IPCEF1: variants seen among roughly 807,000 people sequenced by gnomAD.
IPCEF1 encodes interactor protein for cytohesin exchange factors 1.
Under a neutral mutation model 50.9 loss-of-function variants are expected in IPCEF1, and 31 were observed. That is an observed-to-expected ratio of 0.61 (90% CI 0.46 to 0.82). IPCEF1 has a LOEUF of 0.82. Among genes scored for constraint, IPCEF1 ranks in the 40% least tolerant of loss-of-function variants. The pLI, the probability that IPCEF1 is intolerant of heterozygous loss-of-function variation, is 0.00. For missense variants in IPCEF1, 458 were observed against 514.0 expected, an observed-to-expected ratio of 0.89 and a Z score of 1.05; for synonymous variants, 181 against 192.0, an observed-to-expected ratio of 0.94 and a Z score of 0.47.
At chr6:154,226,458 A>G (rs1779260034) in intron 5 of IPCEF1, among the ~76,000 whole-genome samples, 1 of 151,846 alleles carries the variant, frequency 6.6e-6, no homozygotes, top group Non-Finnish European at 1.5e-5. Flanking sequence ...TTGCCAAAAC[A>G]GGACATGTGA....
intron 1 of IPCEF1, among the ~76,000 whole-genome samples, chr6:154,331,483 G>A (rs1250703193): frequency 9.1e-6 from 1 of 110,496 alleles, no homozygotes; most frequent in African/African-American, 3.7e-5. Context: ...GGGGAAGGAA[G>A]AAAAGAAAGA....
chr6:154,227,621 G>A (rs866782700), intron 5 of IPCEF1, among the ~76,000 whole-genome samples: 1 of 152,116 alleles, frequency 6.6e-6, no homozygotes, highest in African/African-American at 2.4e-5. Context: ...GAGAGGCTGA[G>A]GTGGGAGAAT....
intron 2 of IPCEF1, among the ~76,000 whole-genome samples, chr6:154,276,256 A>G (rs1782056816): frequency 1.5e-5 from 2 of 137,870 alleles, no homozygotes; most frequent in Admixed American, 7.8e-5. Flanking sequence ...GGTGGGAGGG[A>G]GGGAGGAAGA....
intron 10 of IPCEF1, 119 bp downstream of exon 10, chr6:154,199,549 G>C: frequency 8.3e-7 from 1 of 1,204,098 alleles, no homozygotes; most frequent in East Asian, 2.5e-5. Flanking sequence ...AGCCCCACTT[G>C]ACTAATTATT....
At chr6:154,218,664 AG>A (rs1778610974) in intron 7 of IPCEF1, among the ~76,000 whole-genome samples, 2 of 152,238 alleles carry the variant, frequency 1.3e-5, no homozygotes, top group African/African-American at 4.8e-5. Flanking sequence ...TTGTGGGAGA[AG>A]GGAGAAGTTG....
At chr6:154,291,731 C>T (rs1782520552) in intron 1 of IPCEF1, among the ~76,000 whole-genome samples, 1 of 134,296 alleles carries the variant, frequency 7.4e-6, no homozygotes, top group African/African-American at 2.9e-5. Context: ...CTCGTCCAGG[C>T]TGGAGAGCCG....
intron 2 of IPCEF1, among the ~76,000 whole-genome samples, chr6:154,289,284 A>C (rs1173321460): frequency 3.3e-5 from 5 of 151,766 alleles, no homozygotes; most frequent in Non-Finnish European, 7.4e-5. Context: ...TTAAATATAA[A>C]TATTTAATTG....
At chr6:154,207,744 A>G (rs1777622138) in intron 9 of IPCEF1, among the ~76,000 whole-genome samples, 1 of 152,068 alleles carries the variant, frequency 6.6e-6, no homozygotes, top group African/African-American at 2.4e-5. Flanking sequence ...TCTTTTGTTT[A>G]TTTTAGCTGA....
At chr6:154,332,831 G>A (rs1783703829) in intron 1 of IPCEF1, among the ~76,000 whole-genome samples, 1 of 152,150 alleles carries the variant, frequency 6.6e-6, no homozygotes, top group Non-Finnish European at 1.5e-5. Flanking sequence ...ACATTACAAG[G>A]TCAGAGAAAG....
At chr6:154,295,177 G>A (rs192836686) in intron 1 of IPCEF1, among the ~76,000 whole-genome samples, 9 of 151,796 alleles carry the variant, frequency 5.9e-5, no homozygotes, top group East Asian at 1.9e-4. Context: ...CAGCCTGGGC[G>A]ACAGAGTGAG....
chr6:154,196,944 G>A (rs2128588306), intron 10 of IPCEF1, among the ~76,000 whole-genome samples: 1 of 152,220 alleles, frequency 6.6e-6, no homozygotes, highest in Admixed American at 6.5e-5. Context: ...CATACTAACT[G>A]CAAAAATATT....
At chr6:154,212,424 C>T (rs961170213) in intron 9 of IPCEF1, among the ~76,000 whole-genome samples, 2 of 152,152 alleles carry the variant, frequency 1.3e-5, no homozygotes, top group African/African-American at 4.8e-5. Flanking sequence ...TGCACATAGG[C>T]AAGGCATTTA....
intron 2 of IPCEF1, among the ~76,000 whole-genome samples, chr6:154,273,253 T>C (rs998992818): frequency 3.9e-5 from 6 of 152,130 alleles, no homozygotes; most frequent in East Asian, 1.9e-4. Flanking sequence ...AGGCAAACAA[T>C]GTGCGTTATT....
chr6:154,192,764 G>A (rs187227498), intron 10 of IPCEF1, among the ~76,000 whole-genome samples: 2 of 152,226 alleles, frequency 1.3e-5, no homozygotes, highest in Non-Finnish European at 2.9e-5. Flanking sequence ...ACGAAGAAAT[G>A]TTCAATTAGT....
rs549852112 is a variant in IPCEF1, at chr6:154,221,149, C to G, written c.392+108G>C. On this transcript the variant is annotated intron_variant, in intron 7 of 11. Transcript: ENST00000367220. ...CTAAATAAATTAATCCTTAAAGTAA[C>G]AGAAATAAAATAATAATTGATATGG... 3.3e-3 allele frequency: 2,588 copies of G among 775,922 alleles called. 16 individuals carry two copies. Among genetic ancestry groups the G allele is most frequent in the Non-Finnish European group, 3.3e-3 (1,623 of 484,914 alleles). The allele number at this position is 775,922 out of a possible 1,614,324, so 48.1% of individuals were successfully genotyped here. A position where few individuals can be genotyped will look rare whatever the true frequency, so the allele number is the denominator to read the frequency against.
chr6:154,250,269 C>T (rs1000750010), intron 3 of IPCEF1, among the ~76,000 whole-genome samples: 6 of 148,210 alleles, frequency 4.0e-5, no homozygotes, highest in African/African-American at 1.5e-4. Context: ...AAAAAAAAAG[C>T]AAGCAACCAG....
At chr6:154,314,698 G>A (rs931267256) in intron 1 of IPCEF1, among the ~76,000 whole-genome samples, 4 of 151,974 alleles carry the variant, frequency 2.6e-5, no homozygotes, top group Non-Finnish European at 4.4e-5. Context: ...ATGAAAAACC[G>A]AACACTCTAA....
At chr6:154,263,088 A>C (rs2128653080) in intron 3 of IPCEF1, among the ~76,000 whole-genome samples, 1 of 152,154 alleles carries the variant, frequency 6.6e-6, no homozygotes, top group East Asian at 1.9e-4. Context: ...TTATAATCTT[A>C]AAATGGAATT....
In IPCEF1 at chr6:154,223,246, G is replaced by A. The variant is rs766988537; in HGVS notation, c.247-3C>T. 1.2e-6 allele frequency: 2 copies of A among 1,609,732 alleles called. No homozygotes were observed. The highest frequency in any genetic ancestry group is 4.5e-5 in the East Asian group (2 of 44,846). The stretch of plus-strand genomic sequence containing the variant: ...ACAAATCCATCAGCTTTCTCTGCCT[G>A]AAACAAATATATACCACAAATAGGA... On this transcript the variant is annotated splice_polypyrimidine_tract_variant and splice_region_variant and intron_variant, in intron 5 of 11. Coordinates refer to ENST00000367220, the MANE Select transcript of IPCEF1 (RefSeq NM_001130700.2).
Sources: allele counts gnomAD v4.1 joint callset (sites outside exome capture counted in the v4.1 genomes callset), GRCh38; gene constraint gnomAD v4.1.1; transcripts MANE v1.5; gene names NCBI Gene and HGNC (gene_info 2026-07-23, HGNC 2026-07-21).